Variants in CFAP61 observed in about 807,000 individuals in gnomAD.
CFAP61 encodes cilia- and flagella-associated protein 61.
Under a neutral mutation model 135.6 loss-of-function variants are expected in CFAP61, and 107 were observed. That is an observed-to-expected ratio of 0.79 (90% CI 0.67 to 0.93). The LOEUF is 0.93. Among genes scored for constraint, CFAP61 ranks in the 40% least tolerant of loss-of-function variants. CFAP61 has a pLI of 0.00. For synonymous variants in CFAP61, 575 were observed against 578.5 expected (o/e 0.99, Z 0.09); for missense variants, 1,507 against 1,556.2 (o/e 0.97, Z 0.53).
At chr20:20,152,298 AAC>A (rs2052511620) in intron 9 of CFAP61, among the ~76,000 whole-genome samples, 1 of 152,146 alleles carries the variant, frequency 6.6e-6, no homozygotes, top group Admixed American at 6.5e-5. Context: ...ATAAAACAAT[AAC>A]ACAATGAAAA....
Position 20,098,667 on chromosome 20 carries a change from G to A in CFAP61, c.712G>A (p.Ala238Thr). 1 of 1,604,568 alleles carries A rather than the reference G, an allele frequency of 6.2e-7. No homozygotes were observed. The highest frequency in any genetic ancestry group is 1.3e-5 in the African/African-American group (1 of 74,080). Residue 238 changes from alanine to threonine, a missense_variant, in exon 8 of 27, where the codon GCT (alanine) becomes ACT (threonine). Coordinates refer to ENST00000245957, the MANE Select transcript of CFAP61 (RefSeq NM_015585.4). ...TTGGATATTTCAGGTGGAAGGCACA[G>A]CTGTTGGGTTCATGAGTGTGTGCTC... ...HAVVCEVEGT[A>T]VGFMSVCSRV...
chr20:20,322,753 A>G, intron 25 of CFAP61: 3 of 985,326 alleles, frequency 3.0e-6, no homozygotes, highest in Non-Finnish European at 3.6e-6. Flanking sequence ...AGATCATTAG[A>G]GGGTCCTCGT....
chr20:20,061,745 T>G (rs958560483), intron 2 of CFAP61, among the ~76,000 whole-genome samples: 3 of 152,226 alleles, frequency 2.0e-5, no homozygotes, highest in African/African-American at 7.2e-5. Context: ...CCATTCTCCC[T>G]GCTGTAGTCC....
At chr20:20,292,425 A>T (rs1457433164) in intron 24 of CFAP61, among the ~76,000 whole-genome samples, 1 of 152,208 alleles carries the variant, frequency 6.6e-6, no homozygotes, top group African/African-American at 2.4e-5. Flanking sequence ...AGATCATCAT[A>T]GTGTTCCAGT....
chr20:20,302,852 G>A (rs1008904740), intron 25 of CFAP61, among the ~76,000 whole-genome samples: 17 of 152,064 alleles, frequency 1.1e-4, no homozygotes, highest in Non-Finnish European at 5.9e-5. Flanking sequence ...ACCATGAATG[G>A]ATTTTTATTT....
intron 23 of CFAP61, among the ~76,000 whole-genome samples, chr20:20,289,845 G>A (rs142997789): frequency 1.1e-4 from 16 of 152,360 alleles, no homozygotes; most frequent in Non-Finnish European, 1.8e-4. Flanking sequence ...TTAAGAATTC[G>A]ATAATGACAG....
chr20:20,085,021 CT>C, intron 6 of CFAP61: 2 of 745,238 alleles, frequency 2.7e-6, no homozygotes, highest in Non-Finnish European at 3.3e-6. Context: ...TTGCTGCCCC[CT>C]CCAAGACACA....
Position 20,052,570 on chromosome 20 carries a change from G to T in CFAP61, c.-58G>T. 1 of 1,613,936 alleles carries T rather than the reference G, an allele frequency of 6.2e-7. No individual in the cohort carries two copies. Among genetic ancestry groups the T allele is most frequent in the Non-Finnish European group, 8.5e-7 (1 of 1,179,896 alleles). ...TCCTTGCGGCAGCGCGTGGAGTGCG[G>T]CGTCCTGGAGCTGCGGATGAGGTGG... is the stretch of plus-strand genomic sequence containing the variant. On this transcript the variant is annotated 5_prime_UTR_variant, in exon 1 of 27. Coordinates refer to ENST00000245957, the MANE Select transcript of CFAP61 (RefSeq NM_015585.4).
In CFAP61 at chr20:20,310,658, C is replaced by T. The variant is rs554468530; in HGVS notation, c.3422+12272C>T. ...CCACGAAAAATTCAGAAAATGGCTC[C>T]GCAGACCTAGCCAATCTCTGCCACA... On this transcript the variant is annotated intron_variant, in intron 25 of 26. Transcript: ENST00000245957. Among the ~76,000 whole-genome samples the T allele has an allele frequency of 1.2e-4, 19 of 152,260 alleles. No individual in the cohort carries two copies. In the South Asian group the frequency reaches 2.7e-3, roughly 22 times the overall value.
chr20:20,340,342 C>A (rs2058391330), intron 25 of CFAP61, among the ~76,000 whole-genome samples: 1 of 152,134 alleles, frequency 6.6e-6, no homozygotes. Context: ...AGTTAATTTG[C>A]CAGGGGTTCA....
chr20:20,173,991 TTTAAA>T (rs1454909071), intron 13 of CFAP61, among the ~76,000 whole-genome samples: 30 of 152,246 alleles, frequency 2.0e-4, no homozygotes, highest in African/African-American at 7.2e-4. Context: ...ATCTAAATCT[TTTAAA>T]TGATGAGTCT....
chr20:20,174,374 G>A (rs1057474324), intron 13 of CFAP61, among the ~76,000 whole-genome samples: 20 of 152,154 alleles, frequency 1.3e-4, no homozygotes, highest in African/African-American at 4.3e-4. Context: ...AGCCATGCAC[G>A]GTCCCATAGG....
intron 1 of CFAP61, 111 bp from the exon 2 acceptor site, chr20:20,056,507 G>T (rs748098573): frequency 2.8e-6 from 2 of 719,864 alleles, no homozygotes; most frequent in Non-Finnish European, 4.6e-6. Flanking sequence ...AGGGGAAAAC[G>T]TGTCACACCA....
intron 9 of CFAP61, among the ~76,000 whole-genome samples, chr20:20,154,447 T>A (rs1322885391): frequency 2.6e-5 from 4 of 152,020 alleles, no homozygotes; most frequent in African/African-American, 7.2e-5. Flanking sequence ...ATTGTATACC[T>A]AGAAAACCCT....
rs144410560 is a variant in CFAP61 at position 20,090,910 on chromosome 20, C to T, written c.633C>T (p.Tyr211=). ...MRYDTILKET[Y]GEYFLAELIE... The stretch of plus-strand genomic sequence containing the variant: ...ATGACACAATTCTGAAGGAAACTTA[C>T]GGTGAATACTTCCTGGCCGAACTAA... Residue 211 remains tyrosine, a synonymous_variant, in exon 7 of 27, where the codon TAC becomes TAT. Coordinates refer to ENST00000245957, the MANE Select transcript of CFAP61 (RefSeq NM_015585.4). 1.8e-4 allele frequency: 287 copies of T among 1,613,908 alleles called. No homozygotes were observed. The highest frequency in any genetic ancestry group is 4.9e-4 in the Middle Eastern group (3 of 6,084).
intron 21 of CFAP61, 123 bp from the exon 22 acceptor site, chr20:20,277,043 C>A: frequency 1.4e-6 from 1 of 719,910 alleles, no homozygotes; most frequent in Non-Finnish European, 2.2e-6. Flanking sequence ...CTAGGTAACA[C>A]CGCTGGCTTC....
chr20:20,268,892 C>A (rs2053031413), intron 21 of CFAP61, among the ~76,000 whole-genome samples: 2 of 151,970 alleles, frequency 1.3e-5, no homozygotes, highest in Admixed American at 1.3e-4. Flanking sequence ...TCATCTTTAG[C>A]TAAATACAGT....
intron 13 of CFAP61, among the ~76,000 whole-genome samples, chr20:20,182,507 G>A (rs895052478): frequency 1.3e-5 from 2 of 151,988 alleles, no homozygotes; most frequent in African/African-American, 4.8e-5. Flanking sequence ...TCAGCTTCAC[G>A]AGAGCAGAAA....
At position 20,208,754 on chromosome 20, in the gene CFAP61, C is replaced by T. The variant is rs560190873; in HGVS notation, c.1932+8852C>T. On this transcript the variant is annotated intron_variant, in intron 17 of 26. Coordinates refer to ENST00000245957, the MANE Select transcript of CFAP61 (RefSeq NM_015585.4). The stretch of plus-strand genomic sequence containing the variant: ...GGAGGTGCCCCATAGGAAGGACCTG[C>T]GAGAAGAGCTCTTGCCTCTGTGGGT... Among the ~76,000 whole-genome samples, 27 of 152,302 alleles carry T rather than the reference C, an allele frequency of 1.8e-4. No individual in the cohort carries two copies. The South Asian group carries it at 3.7e-3, about 21-fold the overall frequency.
Sources: gnomAD v4.1 joint callset for allele counts (sites outside exome capture counted in the v4.1 genomes callset) on GRCh38, gnomAD v4.1.1 for gene constraint, MANE v1.5 for transcripts, NCBI Gene and HGNC (gene_info 2026-07-23, HGNC 2026-07-21) for gene names.